The following SKAP2 variants were observed in gnomAD, a reference collection of about 807,000 sequenced individuals.
SKAP2 encodes the protein src kinase-associated phosphoprotein 2.
A neutral mutation model predicts 54.9 loss-of-function variants in SKAP2; 28 were observed. The ratio of observed to expected loss-of-function variants is 0.51; its 90% CI spans 0.38 to 0.70. The LOEUF (loss-of-function observed/expected upper bound fraction) is 0.70. Ranked by LOEUF, SKAP2 falls within the 30% of genes least tolerant of loss-of-function variation. The pLI is 0.00. For missense variants in SKAP2, 356 were observed against 424.1 expected (o/e 0.84, Z 1.41); for synonymous variants, 137 against 134.3 (o/e 1.02, Z -0.14).
At position 26,668,569 on chromosome 7, in the gene SKAP2, T is replaced by A. The variant is rs1304513851; in HGVS notation, c.*1097A>T. 1 of 152,146 alleles carries A rather than the reference T, an allele frequency of 6.6e-6. No homozygotes were observed. The highest frequency in any genetic ancestry group is 1.5e-5 in the Non-Finnish European group (1 of 68,044). The allele number at this position is 152,146 out of a possible 1,614,324, so 9.4% of individuals were successfully genotyped here. A position where few individuals can be genotyped will look rare whatever the true frequency, so the allele number is the denominator to read the frequency against. On this transcript the variant is annotated 3_prime_UTR_variant, in exon 13 of 13. Coordinates refer to ENST00000345317, the MANE Select transcript of SKAP2 (RefSeq NM_003930.5). The stretch of plus-strand genomic sequence containing the variant: ...GTATATAGAAAAGCCTCAAATCTGC[T>A]GTTCTGCAGTGGGATGTAAATAGTA...
At chr7:26,657,735 G>GCC in the SKAP2 span, among the ~76,000 whole-genome samples, 4 of 45,506 alleles carry the variant, frequency 8.8e-5, no homozygotes, top group African/African-American at 2.3e-4. Flanking sequence ...AAAAATCCCC[G>GCC]CCCCCCCCGC....
chr7:26,698,299 T>C (rs987940012), intron 9 of SKAP2, among the ~76,000 whole-genome samples: 7 of 152,224 alleles, frequency 4.6e-5, no homozygotes, highest in Non-Finnish European at 1.0e-4. Flanking sequence ...ACATCCCTTA[T>C]ACCAGCAGTG....
At chr7:26,794,935 T>A (rs1017114066) in intron 4 of SKAP2, among the ~76,000 whole-genome samples, 1 of 152,194 alleles carries the variant, frequency 6.6e-6, no homozygotes, top group African/African-American at 2.4e-5. Flanking sequence ...TAAAACCCCA[T>A]GTCTCGTTTG....
At chr7:26,787,474 C>T (rs752210361) in intron 4 of SKAP2, among the ~76,000 whole-genome samples, 5 of 152,236 alleles carry the variant, frequency 3.3e-5, no homozygotes, top group Admixed American at 2.6e-4. Flanking sequence ...AGGCGTGCAC[C>T]ACCCACGCCT....
At chr7:26,715,754 G>T (rs2127951944) in intron 9 of SKAP2, among the ~76,000 whole-genome samples, 1 of 152,234 alleles carries the variant, frequency 6.6e-6, no homozygotes, top group East Asian at 1.9e-4. Flanking sequence ...ACTCCAGCCT[G>T]GGTGACAAGA....
intron 9 of SKAP2, among the ~76,000 whole-genome samples, chr7:26,723,227 C>A (rs796108439): frequency 1.3e-5 from 2 of 152,300 alleles, no homozygotes; most frequent in African/African-American, 2.4e-5. Context: ...CTCTGAGACA[C>A]CTTTAGGGCC....
At chr7:26,763,697 A>G (rs1411939327) in intron 4 of SKAP2, among the ~76,000 whole-genome samples, 1 of 152,208 alleles carries the variant, frequency 6.6e-6, no homozygotes, top group African/African-American at 2.4e-5. Flanking sequence ...ATACATTCTA[A>G]GAAATACATC....
intron 6 of SKAP2, among the ~76,000 whole-genome samples, chr7:26,727,581 G>A (rs1460979280): frequency 1.3e-5 from 2 of 152,122 alleles, no homozygotes; most frequent in African/African-American, 2.4e-5. Context: ...TGTGGATAAA[G>A]AAGAGTGGTA....
chr7:26,822,601 C>T (rs368590351), intron 4 of SKAP2, among the ~76,000 whole-genome samples: 2 of 152,060 alleles, frequency 1.3e-5, no homozygotes, highest in South Asian at 2.1e-4. Flanking sequence ...ATGGGCTGGG[C>T]GTGGTGGCTC....
chr7:26,727,152 G>T, intron 6 of SKAP2, 146 bp from the exon 7 acceptor site: 1 of 584,636 alleles, frequency 1.7e-6, no homozygotes, highest in Non-Finnish European at 2.8e-6. Flanking sequence ...AATGTTTTTA[G>T]AAATCATTTT....
At chr7:26,785,508 A>G (rs1156504605) in intron 4 of SKAP2, among the ~76,000 whole-genome samples, 1 of 152,200 alleles carries the variant, frequency 6.6e-6, no homozygotes, top group African/African-American at 2.4e-5. Context: ...TTTTAAATAC[A>G]ACACTCAAAC....
At chr7:26,735,022 A>G (rs1787894989) in intron 6 of SKAP2, among the ~76,000 whole-genome samples, 2 of 152,066 alleles carry the variant, frequency 1.3e-5, no homozygotes, top group South Asian at 4.1e-4. Context: ...CTCCTTTGTG[A>G]TCCAAAGATA....
chr7:26,691,962 A>G (rs1786793595), intron 9 of SKAP2, among the ~76,000 whole-genome samples: 1 of 152,030 alleles, frequency 6.6e-6, no homozygotes, highest in South Asian at 2.1e-4. Context: ...GGGCAATAAG[A>G]GCCTTCGAAG....
intron 4 of SKAP2, among the ~76,000 whole-genome samples, chr7:26,842,929 G>C (rs923758534): frequency 1.3e-5 from 2 of 151,772 alleles, no homozygotes; most frequent in African/African-American, 4.8e-5. Flanking sequence ...GTTTGCCGAA[G>C]CATAAAATTC....
At chr7:26,666,395 A>G (rs1786105799), downstream of SKAP2, among the ~76,000 whole-genome samples, 1 of 152,154 alleles carries the variant, frequency 6.6e-6, no homozygotes, top group South Asian at 2.1e-4. Context: ...GTACCAGTCT[A>G]TGAATAAGTA....
At chr7:26,733,122 C>T (rs1236912549) in intron 6 of SKAP2, among the ~76,000 whole-genome samples, 1 of 150,790 alleles carries the variant, frequency 6.6e-6, no homozygotes. Flanking sequence ...CAGAGCGAGA[C>T]CCCGTCTCAA....
At position 26,667,680 on chromosome 7, in the gene SKAP2, G is replaced by A. The variant is rs10274472; in HGVS notation, c.*1986C>T. 0.062 allele frequency: 9,407 copies of A among 152,628 alleles called. 945 individuals are homozygous for A. The highest frequency in any genetic ancestry group is 0.21 in the African/African-American group (8,878 of 41,458). 9.5% of individuals were successfully genotyped at this position (152,628 alleles called of 1,614,324 possible). On this transcript the variant is annotated 3_prime_UTR_variant, in exon 13 of 13. Transcript: ENST00000345317. ...AACTGTAAAAGGAGGCAGAAATCTA[G>A]ATGCTTTCCATCATGGGCGAGTTTG...
downstream of SKAP2, among the ~76,000 whole-genome samples, chr7:26,665,376 A>G (rs1415163471): frequency 6.6e-6 from 1 of 151,918 alleles, no homozygotes; most frequent in Non-Finnish European, 1.5e-5. Context: ...CAATTCTGTT[A>G]TAACAATAAA....
At chr7:26,670,938 G>A (rs1786215768) in intron 11 of SKAP2, among the ~76,000 whole-genome samples, 2 of 151,958 alleles carry the variant, frequency 1.3e-5, no homozygotes, top group Non-Finnish European at 1.5e-5. Flanking sequence ...AGTATCTCAA[G>A]GTATAAAGGC....
Sources: gnomAD v4.1 joint callset for allele counts (sites outside exome capture counted in the v4.1 genomes callset) on GRCh38, gnomAD v4.1.1 for gene constraint, MANE v1.5 for transcripts, NCBI Gene and HGNC (gene_info 2026-07-23, HGNC 2026-07-21) for gene names.